The following ANKFN1 variants were observed in gnomAD, a reference collection of about 807,000 sequenced individuals.
ANKFN1 encodes the protein ankyrin repeat and fibronectin type-III domain-containing protein 1.
ANKFN1 carries 74 observed loss-of-function variants against 108.7 expected under a neutral mutation model. The observed-to-expected ratio is 0.68, with a 90% CI of 0.56 to 0.83. ANKFN1 has a LOEUF of 0.83. Ranked by LOEUF, ANKFN1 falls within the 40% of genes least tolerant of loss-of-function variation. The pLI is 0.00. For missense variants in ANKFN1, 1,505 were observed against 1,382.3 expected (o/e 1.09, Z -1.41); for synonymous variants, 547 against 516.2 (o/e 1.06, Z -0.81).
At chr17:56,335,958 C>T (rs997588461) in intron 4 of ANKFN1, among the ~76,000 whole-genome samples, 1 of 152,320 alleles carries the variant, frequency 6.6e-6, no homozygotes, top group East Asian at 1.9e-4. Context: ...GCCTTTTCTG[C>T]ATCTTTGAGA....
chr17:56,475,932 C>G (rs2050482917), intron 15 of ANKFN1, among the ~76,000 whole-genome samples: 1 of 152,192 alleles, frequency 6.6e-6, no homozygotes, highest in African/African-American at 2.4e-5. Context: ...AATCACAGCT[C>G]TGCAGGCTTA....
chr17:56,326,869 G>C (rs1345979723), intron 4 of ANKFN1, among the ~76,000 whole-genome samples: 1 of 152,158 alleles, frequency 6.6e-6, no homozygotes, highest in East Asian at 1.9e-4. Flanking sequence ...TTCATCCTGG[G>C]TGAGTGTGCC....
intron 4 of ANKFN1, among the ~76,000 whole-genome samples, chr17:56,141,597 A>T (rs1248098809): frequency 6.6e-6 from 1 of 152,142 alleles, no homozygotes; most frequent in East Asian, 1.9e-4. Flanking sequence ...GGCCTTCTGA[A>T]TCACCCATAT....
intron 4 of ANKFN1, among the ~76,000 whole-genome samples, chr17:56,098,247 T>C (rs1905570094): frequency 6.6e-6 from 1 of 152,212 alleles, no homozygotes; most frequent in Non-Finnish European, 1.5e-5. Context: ...TCTCCAGAAC[T>C]GTGTGAGAAT....
rs186107980 is a variant in ANKFN1 at position 56,233,304 on chromosome 17, C to A, written c.53+5347C>A. ...TTTATTATCAAAATGCTAGTGTGAT[C>A]TGAATATAACCGACTGCTTCATGGG... is the stretch of plus-strand genomic sequence containing the variant. On this transcript the variant is annotated intron_variant, in intron 3 of 20. Coordinates refer to ENST00000682825, the MANE Select transcript of ANKFN1 (RefSeq NM_001370326.1). Among the ~76,000 whole-genome samples the A allele has an allele frequency of 5.3e-3, 803 of 152,106 alleles. 8 individuals are homozygous for A. The highest frequency in any genetic ancestry group is 0.019 in the African/African-American group (769 of 41,512).
intron 3 of ANKFN1, among the ~76,000 whole-genome samples, chr17:56,248,901 G>A (rs1156974362): frequency 6.6e-6 from 1 of 152,102 alleles, no homozygotes; most frequent in East Asian, 1.9e-4. Context: ...CAGCCAAAAA[G>A]GTCCATTATC....
chr17:56,132,133 A>G (rs1490609879), intron 4 of ANKFN1, among the ~76,000 whole-genome samples: 1 of 152,228 alleles, frequency 6.6e-6, no homozygotes, highest in Non-Finnish European at 1.5e-5. Context: ...AGCTACAAAG[A>G]TGATGTGCAG....
At position 56,303,912 on chromosome 17, in the gene ANKFN1, G is replaced by A. The variant is rs1403131506; in HGVS notation, c.54-22309G>A. 2.0e-5 allele frequency among the ~76,000 whole-genome samples: 3 copies of A among 146,664 alleles called. No homozygotes were observed. The East Asian group carries it at 6.0e-4, about 29-fold the overall frequency. On this transcript the variant is annotated intron_variant, in intron 3 of 20. Coordinates refer to ENST00000682825, the MANE Select transcript of ANKFN1 (RefSeq NM_001370326.1). ...AGGGTTTCACCATTTTGGCCAGGATGGTCTCGATCTCCTGACCTCGTGATC... is the reference window on the plus strand; with the variant it reads ...AGGGTTTCACCATTTTGGCCAGGATAGTCTCGATCTCCTGACCTCGTGATC...
intron 4 of ANKFN1, among the ~76,000 whole-genome samples, chr17:56,130,774 C>T (rs929121026): frequency 2.0e-5 from 3 of 152,114 alleles, no homozygotes; most frequent in African/African-American, 7.2e-5. Flanking sequence ...AGAGTGTATT[C>T]AGGCAGCTGG....
intron 15 of ANKFN1, among the ~76,000 whole-genome samples, chr17:56,466,924 G>A (rs2050092660): frequency 1.3e-5 from 2 of 152,068 alleles, no homozygotes; most frequent in African/African-American, 4.8e-5. Flanking sequence ...GGCCAACATG[G>A]TGAAACCCCA....
intron 8 of ANKFN1, among the ~76,000 whole-genome samples, chr17:56,420,499 A>T (rs948860126): frequency 2.6e-5 from 4 of 152,176 alleles, no homozygotes; most frequent in Non-Finnish European, 5.9e-5. Context: ...ATTCTGATAT[A>T]CTATCTTTAG....
intron 8 of ANKFN1, among the ~76,000 whole-genome samples, chr17:56,381,121 G>C (rs549762459): frequency 1.3e-5 from 2 of 152,120 alleles, no homozygotes; most frequent in Non-Finnish European, 2.9e-5. Context: ...AGCAGCATTC[G>C]CAGTTCACAA....
intron 4 of ANKFN1, among the ~76,000 whole-genome samples, chr17:56,075,199 A>G (rs1905167196): frequency 6.6e-6 from 1 of 152,184 alleles, no homozygotes; most frequent in Non-Finnish European, 1.5e-5. Flanking sequence ...TGCTATTTTA[A>G]TTGTGATTCA....
chr17:56,417,348 A>G lies in ANKFN1; in HGVS notation c.911-22979A>G, dbSNP rs1008570749. 1.1e-4 allele frequency among the ~76,000 whole-genome samples: 17 copies of G among 152,182 alleles called. 1 individual carries two copies. The highest frequency in any genetic ancestry group is 3.1e-4 in the African/African-American group (13 of 41,448). The stretch of plus-strand genomic sequence containing the variant: ...GTACTCCATTAATATATATACATGT[A>G]CTACGTACCCACAAAAGTTTTTTAA... On this transcript the variant is annotated intron_variant, in intron 8 of 20. Coordinates refer to ENST00000682825, the MANE Select transcript of ANKFN1 (RefSeq NM_001370326.1).
intron 1 of ANKFN1, among the ~76,000 whole-genome samples, chr17:56,212,361 A>T (rs1915081443): frequency 6.6e-6 from 1 of 152,022 alleles, no homozygotes; most frequent in African/African-American, 2.4e-5. Context: ...GCAGATGTGA[A>T]ACCATCCCTG....
chr17:56,322,867 C>A (rs114587669), intron 3 of ANKFN1, among the ~76,000 whole-genome samples: 270 of 152,306 alleles, frequency 1.8e-3, no homozygotes, highest in African/African-American at 6.2e-3. Context: ...AAGTATATCT[C>A]TTTTATCTTT....
At chr17:56,306,184 C>G (rs1332233167) in intron 3 of ANKFN1, among the ~76,000 whole-genome samples, 2 of 152,062 alleles carry the variant, frequency 1.3e-5, no homozygotes, top group Non-Finnish European at 2.9e-5. Flanking sequence ...TTTTCCATAC[C>G]TAAAAAACGT....
At chr17:56,290,005 T>G (rs1347392965) in intron 3 of ANKFN1, among the ~76,000 whole-genome samples, 1 of 152,222 alleles carries the variant, frequency 6.6e-6, no homozygotes, top group African/African-American at 2.4e-5. Context: ...AGTTTAATCA[T>G]GCTGCTAGTT....
intron 12 of ANKFN1, 73 bp downstream of exon 12, chr17:56,457,033 C>A: frequency 7.1e-7 from 1 of 1,401,818 alleles, no homozygotes; most frequent in Non-Finnish European, 9.8e-7. Flanking sequence ...TGAGTAGAAA[C>A]TTGGTAGAAA....
Sources: gnomAD v4.1 joint callset for allele counts (sites outside exome capture counted in the v4.1 genomes callset) on GRCh38, gnomAD v4.1.1 for gene constraint, MANE v1.5 for transcripts, NCBI Gene and HGNC (gene_info 2026-07-23, HGNC 2026-07-21) for gene names.